The following CSMD1 variants were observed in gnomAD, a reference collection of about 807,000 sequenced individuals.
CSMD1 encodes CUB and sushi domain-containing protein 1.
In CSMD1, 213 loss-of-function variants were observed where a neutral mutation model predicts 417.5. The observed-to-expected ratio is 0.51, with a 90% CI of 0.46 to 0.57. The LOEUF is 0.57. CSMD1 is among the 20% of genes least tolerant of loss of function. CSMD1 has a pLI of 0.00. For missense variants in CSMD1, 6,923 were observed against 4,529.7 expected (o/e 1.53, Z -15.17); for synonymous variants, 2,862 against 1,736.8 (o/e 1.65, Z -16.11).
At position 4,141,739 on chromosome 8, in the gene CSMD1, TAC is replaced by T. The variant is rs915160763; in HGVS notation, c.416-109642_416-109641del. On this transcript the variant is annotated intron_variant, in intron 3 of 69. Transcript: ENST00000635120. ...TAATAATCTTGCAACTAAAAACGGA[TAC>T]AGTGATTCATCCCATGCCATCGACA... is the stretch of plus-strand genomic sequence containing the variant. Among the ~76,000 whole-genome samples, 5 of 151,124 alleles carry T rather than the reference TAC, an allele frequency of 3.3e-5. 1 individual carries two copies. The highest frequency in any genetic ancestry group is 1.2e-4 in the African/African-American group (5 of 40,464).
At chr8:3,331,367 C>T (rs1034945271) in intron 23 of CSMD1, among the ~76,000 whole-genome samples, 3 of 152,094 alleles carry the variant, frequency 2.0e-5, no homozygotes, top group African/African-American at 7.3e-5. Context: ...CACATAATTT[C>T]AGATGTTTGC....
chr8:4,113,068 C>G (rs1158049788), intron 3 of CSMD1, among the ~76,000 whole-genome samples: 2 of 152,042 alleles, frequency 1.3e-5, no homozygotes, highest in Admixed American at 1.3e-4. Context: ...CCACAAACAC[C>G]CCCATGTAAG....
At chr8:4,444,526 G>A (rs986912627) in intron 2 of CSMD1, among the ~76,000 whole-genome samples, 3 of 151,938 alleles carry the variant, frequency 2.0e-5, no homozygotes, top group African/African-American at 2.4e-5. Context: ...TTTTAGCCAC[G>A]GAGAACAATA....
chr8:3,811,317 C>T (rs562884790), intron 5 of CSMD1, among the ~76,000 whole-genome samples: 2 of 152,186 alleles, frequency 1.3e-5, no homozygotes, highest in Non-Finnish European at 2.9e-5. Flanking sequence ...CTATAACCTT[C>T]ACACTGTACC....
intron 1 of CSMD1, among the ~76,000 whole-genome samples, chr8:4,737,499 T>TA (rs550877468): frequency 1.6e-4 from 24 of 151,704 alleles, no homozygotes; most frequent in Middle Eastern, 3.4e-3. Context: ...AAATAACAAT[T>TA]AAAAAAAAAC....
intron 25 of CSMD1, among the ~76,000 whole-genome samples, chr8:3,291,802 A>C (rs1256218449): frequency 6.6e-6 from 1 of 152,074 alleles, no homozygotes; most frequent in Non-Finnish European, 1.5e-5. Flanking sequence ...GACTTTTTTA[A>C]GGGTTTTTTG....
At chr8:4,685,226 C>A (rs1806295772) in intron 1 of CSMD1, among the ~76,000 whole-genome samples, 1 of 152,168 alleles carries the variant, frequency 6.6e-6, no homozygotes, top group Non-Finnish European at 1.5e-5. Flanking sequence ...CAAAGTGCTG[C>A]ATGGGAGAAA....
At chr8:3,818,897 G>C (rs1282457091) in intron 5 of CSMD1, among the ~76,000 whole-genome samples, 1 of 152,114 alleles carries the variant, frequency 6.6e-6, no homozygotes, top group Non-Finnish European at 1.5e-5. Context: ...AAACTTGAAA[G>C]CAAGACCACC....
At chr8:4,933,143 T>C (rs1356598858) in intron 1 of CSMD1, among the ~76,000 whole-genome samples, 2 of 152,286 alleles carry the variant, frequency 1.3e-5, no homozygotes, top group Non-Finnish European at 2.9e-5. Context: ...TGGTATATGT[T>C]TTTCTTTTTT....
intron 1 of CSMD1, among the ~76,000 whole-genome samples, chr8:4,745,544 C>A (rs1397963614): frequency 1.3e-5 from 2 of 152,052 alleles, no homozygotes; most frequent in African/African-American, 4.8e-5. Context: ...GTTTGTTCAT[C>A]TGACTATTCA....
chr8:4,495,852 T>C (rs1186958409), intron 2 of CSMD1, among the ~76,000 whole-genome samples: 5 of 152,164 alleles, frequency 3.3e-5, no homozygotes, highest in African/African-American at 9.7e-5. Context: ...ATTATTAATG[T>C]AAGTGGATTT....
chr8:4,534,999 G>C (rs1364542303), intron 2 of CSMD1, among the ~76,000 whole-genome samples: 1 of 152,000 alleles, frequency 6.6e-6, no homozygotes, highest in Non-Finnish European at 1.5e-5. Flanking sequence ...CTGACCTCGT[G>C]ATCTGCCTGC....
intron 3 of CSMD1, among the ~76,000 whole-genome samples, chr8:4,044,410 G>A (rs1275304998): frequency 2.6e-5 from 4 of 152,102 alleles, no homozygotes; most frequent in East Asian, 3.9e-4. Flanking sequence ...TCTACTTTGT[G>A]TCATTCCAAG....
chr8:3,642,448 A>C (rs1797354197), intron 7 of CSMD1, among the ~76,000 whole-genome samples: 1 of 152,194 alleles, frequency 6.6e-6, no homozygotes, highest in South Asian at 2.1e-4. Flanking sequence ...AAGACCTCTA[A>C]AATTCAAGAG....
intron 1 of CSMD1, among the ~76,000 whole-genome samples, chr8:4,826,123 G>C (rs555411291): frequency 7.9e-5 from 12 of 152,154 alleles, no homozygotes; most frequent in African/African-American, 2.6e-4. Flanking sequence ...ATTCAGAAAT[G>C]TCAGTTCTCG....
chr8:4,495,334 G>A (rs71523632), intron 2 of CSMD1, among the ~76,000 whole-genome samples: 1 of 152,200 alleles, frequency 6.6e-6, no homozygotes, highest in Non-Finnish European at 1.5e-5. Flanking sequence ...CCAGCACTTT[G>A]GGAGGCTGAG....
chr8:3,078,467 C>T (rs553570654), intron 49 of CSMD1, among the ~76,000 whole-genome samples: 10 of 152,172 alleles, frequency 6.6e-5, no homozygotes, highest in Non-Finnish European at 1.2e-4. Context: ...AATTTGCAAA[C>T]TGCAGAAAGT....
At chr8:4,461,107 T>C (rs1799790041) in intron 2 of CSMD1, among the ~76,000 whole-genome samples, 1 of 150,626 alleles carries the variant, frequency 6.6e-6, no homozygotes. Flanking sequence ...AGGCTTAGCA[T>C]CTGAAAATCT....
At chr8:4,880,938 A>T (rs1457917369) in intron 1 of CSMD1, among the ~76,000 whole-genome samples, 1 of 152,088 alleles carries the variant, frequency 6.6e-6, no homozygotes, top group Non-Finnish European at 1.5e-5. Flanking sequence ...GACTTAGCAA[A>T]CACCCAGAAT....
Sources: allele counts gnomAD v4.1 joint callset (sites outside exome capture counted in the v4.1 genomes callset), GRCh38; gene constraint gnomAD v4.1.1; transcripts MANE v1.5; gene names NCBI Gene and HGNC (gene_info 2026-07-23, HGNC 2026-07-21).